TRIM35: variants seen among roughly 807,000 people sequenced by gnomAD.
The protein encoded by TRIM35 is E3 ubiquitin-protein ligase TRIM35.
Under a neutral mutation model 49.1 loss-of-function variants are expected in TRIM35, and 37 were observed. That is an observed-to-expected ratio of 0.75 (90% CI 0.58 to 0.99). The LOEUF is 0.99. Ranked by LOEUF, TRIM35 falls within the 50% of genes least tolerant of loss-of-function variation. TRIM35 has a pLI of 0.00. For synonymous variants in TRIM35, 302 were observed against 289.3 expected (o/e 1.04, Z -0.45); for missense variants, 648 against 702.7 (o/e 0.92, Z 0.88).
intron 3 of TRIM35, among the ~76,000 whole-genome samples, chr8:27,290,625 T>C (rs984985213): frequency 6.6e-6 from 1 of 152,238 alleles, no homozygotes; most frequent in African/African-American, 2.4e-5. Context: ...AATAAACTTG[T>C]ATTGTTTTAT....
chr8:27,310,928 A>T lies in TRIM35; in HGVS notation c.308T>A (p.Leu103Gln). ...GAAGAGGCTGAGCTGTCCGCGGTGCAGGCGGCAGACACGCGAGAAGCGGTA... is the reference window on the plus strand; with the variant it reads ...GAAGAGGCTGAGCTGTCCGCGGTGCTGGCGGCAGACACGCGAGAAGCGGTA... ...TSYRFSRVCR[L>Q]HRGQLSLFCL... is the part of the protein sequence containing the mutation. Residue 103 changes from leucine to glutamine, a missense_variant, in exon 1 of 6, where the codon CTG becomes CAG. Transcript: ENST00000305364. The T allele has an allele frequency of 1.2e-6, 2 of 1,612,560 alleles. No homozygotes were observed. Among genetic ancestry groups the T allele is most frequent in the Non-Finnish European group, 1.7e-6 (2 of 1,179,768 alleles).
In TRIM35 at chr8:27,286,032, G is replaced by A; in HGVS notation, c.*1518C>T. On this transcript the variant is annotated 3_prime_UTR_variant, in exon 6 of 6. Coordinates refer to ENST00000305364, the MANE Select transcript of TRIM35 (RefSeq NM_171982.5). ...ATATTTATAACCAATTAATACGTGT[G>A]AGTCATGATTTGTTTAAAATGTCAG... 1 of 453,430 alleles carries A rather than the reference G, an allele frequency of 2.2e-6. No homozygotes were observed. The highest frequency in any genetic ancestry group is 3.5e-4 in the Middle Eastern group (1 of 2,844). The allele number at this position is 453,430 out of a possible 1,614,324, so 28.1% of individuals were successfully genotyped here. A position where few individuals can be genotyped will look rare whatever the true frequency, so the allele number is the denominator to read the frequency against.
chr8:27,306,326 TTTC>T (rs1021526717), intron 1 of TRIM35, among the ~76,000 whole-genome samples: 19 of 119,836 alleles, frequency 1.6e-4, no homozygotes, highest in Non-Finnish European at 3.3e-4. Context: ...TCTTTTTTTC[TTTC>T]TTTTTTTTTT....
chr8:27,288,734 A>G (rs1802390849), intron 5 of TRIM35, among the ~76,000 whole-genome samples: 1 of 152,164 alleles, frequency 6.6e-6, no homozygotes, highest in East Asian at 1.9e-4. Context: ...CACACGACCA[A>G]GGGATGTTAG....
chr8:27,293,650 G>C (rs1802500870), intron 3 of TRIM35, among the ~76,000 whole-genome samples: 1 of 151,838 alleles, frequency 6.6e-6, no homozygotes, highest in Admixed American at 6.6e-5. Flanking sequence ...GACCAGCTTG[G>C]GCAACATAGT....
chr8:27,293,033 G>C (rs1034126987), intron 3 of TRIM35, among the ~76,000 whole-genome samples: 1 of 149,258 alleles, frequency 6.7e-6, no homozygotes, highest in East Asian at 2.0e-4. Flanking sequence ...TTTCTTTTTA[G>C]AGACAGCTCT....
At chr8:27,292,894 A>C (rs1427802310) in intron 3 of TRIM35, among the ~76,000 whole-genome samples, 1 of 152,192 alleles carries the variant, frequency 6.6e-6, no homozygotes, top group Non-Finnish European at 1.5e-5. Context: ...CACAAACCAA[A>C]ATCATCCCTG....
Position 27,294,185 on chromosome 8 carries a change from C to T in TRIM35, c.657G>A (p.Leu219=), listed in dbSNP as rs778039752. ...MAEETRQKQL[L]ADEKMKQLTE... ...TGAGCTGCTTCATCTTCTCGTCGGCCAGAAGTTGCTTCTGCCTTGTCTCCT... is the reference window on the plus strand; with the variant it reads ...TGAGCTGCTTCATCTTCTCGTCGGCTAGAAGTTGCTTCTGCCTTGTCTCCT... Residue 219 remains leucine, a synonymous_variant, in exon 3 of 6, where the codon CTG becomes CTA. Coordinates refer to ENST00000305364, the MANE Select transcript of TRIM35 (RefSeq NM_171982.5). The T allele has an allele frequency of 3.7e-6, 6 of 1,614,108 alleles. No individual in the cohort carries two copies. In the East Asian group the frequency reaches 1.3e-4, roughly 36 times the overall value.
intron 1 of TRIM35, among the ~76,000 whole-genome samples, chr8:27,308,176 C>G (rs1802826469): frequency 6.6e-6 from 1 of 151,296 alleles, no homozygotes; most frequent in Admixed American, 6.5e-5. Context: ...TTAGGACTTC[C>G]AACCTCCAGA....
At chr8:27,308,462 C>T (rs1171237237) in intron 1 of TRIM35, among the ~76,000 whole-genome samples, 2 of 152,198 alleles carry the variant, frequency 1.3e-5, no homozygotes, top group African/African-American at 4.8e-5. Flanking sequence ...CTCCCCACAG[C>T]ACAAAACGGA....
At chr8:27,290,748 A>G (rs1195646134) in intron 3 of TRIM35, among the ~76,000 whole-genome samples, 1 of 152,224 alleles carries the variant, frequency 6.6e-6, no homozygotes, top group Non-Finnish European at 1.5e-5. Context: ...TTCTTTGCAG[A>G]AACTAAAAAA....
chr8:27,295,695 T>C (rs1477490278), intron 2 of TRIM35, among the ~76,000 whole-genome samples: 1 of 152,176 alleles, frequency 6.6e-6, no homozygotes, highest in East Asian at 1.9e-4. Flanking sequence ...GTATGGGTAC[T>C]CAAAGTACAG....
At chr8:27,306,328 T>C (rs1431051386) in intron 1 of TRIM35, among the ~76,000 whole-genome samples, 3 of 119,296 alleles carry the variant, frequency 2.5e-5, no homozygotes, top group African/African-American at 9.9e-5. Context: ...TTTTTTTCTT[T>C]CTTTTTTTTT....
rs543906574 is a variant in TRIM35, at chr8:27,297,062, G to T, written c.531+1402C>A. On this transcript the variant is annotated intron_variant, in intron 2 of 5. Coordinates refer to ENST00000305364, the MANE Select transcript of TRIM35 (RefSeq NM_171982.5). ...TGCTGGGGAACTGGGCTTAGATTTGGAAATAGGTCTGCTTTGCGGTTACTG... is the reference window on the plus strand; with the variant it reads ...TGCTGGGGAACTGGGCTTAGATTTGTAAATAGGTCTGCTTTGCGGTTACTG... 4.6e-5 allele frequency among the ~76,000 whole-genome samples: 7 copies of T among 152,326 alleles called. 1 individual carries two copies. In the South Asian group the frequency reaches 1.5e-3, roughly 32 times the overall value.
chr8:27,299,841 G>C (rs1802648033), intron 1 of TRIM35, among the ~76,000 whole-genome samples: 1 of 152,140 alleles, frequency 6.6e-6, no homozygotes, highest in South Asian at 2.1e-4. Flanking sequence ...GACTCCTTAT[G>C]GGGCAAAGGA....
At chr8:27,289,029 G>A (rs1199422261) in intron 5 of TRIM35, 133 bp downstream of exon 5, 1 of 666,550 alleles carries the variant, frequency 1.5e-6, no homozygotes, top group Non-Finnish European at 2.6e-6. Context: ...GACTGGCAGA[G>A]GGATCAGCTG....
At chr8:27,305,279 C>T (rs1054184508) in intron 1 of TRIM35, among the ~76,000 whole-genome samples, 7 of 152,236 alleles carry the variant, frequency 4.6e-5, no homozygotes, top group Non-Finnish European at 7.3e-5. Context: ...TCTTATGCAA[C>T]TCCAAATCAG....
Position 27,307,359 on chromosome 8 carries a change from C to T in TRIM35, c.435+3442G>A, listed in dbSNP as rs1027951764. Among the ~76,000 whole-genome samples the T allele has an allele frequency of 4.6e-5, 7 of 152,154 alleles. 1 individual carries two copies. Among genetic ancestry groups the T allele is most frequent in the Admixed American group, 3.9e-4 (6 of 15,262 alleles). ...GCCACACCCCCGCCACACACACACA[C>T]TGCTCGCCGCCCCTCAATCAGCTCC... On this transcript the variant is annotated intron_variant, in intron 1 of 5. Coordinates refer to ENST00000305364, the MANE Select transcript of TRIM35 (RefSeq NM_171982.5).
intron 1 of TRIM35, among the ~76,000 whole-genome samples, chr8:27,305,423 A>G (rs1231521163): frequency 6.6e-6 from 1 of 152,162 alleles, no homozygotes; most frequent in Non-Finnish European, 1.5e-5. Flanking sequence ...CCCACTCCCA[A>G]TACCACTGGG....
Sources: gnomAD v4.1 joint callset for allele counts (sites outside exome capture counted in the v4.1 genomes callset) on GRCh38, gnomAD v4.1.1 for gene constraint, MANE v1.5 for transcripts, NCBI Gene and HGNC (gene_info 2026-07-23, HGNC 2026-07-21) for gene names.